The following SH3BGR variants were observed in gnomAD, a reference collection of about 807,000 sequenced individuals.
The protein encoded by SH3BGR is SH3 domain binding glutamate rich protein, also known as SH3 domain-binding glutamic acid-rich protein.
Under a neutral mutation model 24.5 loss-of-function variants are expected in SH3BGR, and 29 were observed. That is an observed-to-expected ratio of 1.18 (90% CI 0.88 to 1.61). The LOEUF (loss-of-function observed/expected upper bound fraction) is 1.61. Ranked by LOEUF, SH3BGR falls within the 40% of genes most tolerant of loss-of-function variation. SH3BGR has a pLI of 0.00. For synonymous variants in SH3BGR, 55 were observed against 65.7 expected, an observed-to-expected ratio of 0.84 and a Z score of 0.79; for missense variants, 162 against 205.8, an observed-to-expected ratio of 0.79 and a Z score of 1.30.
intron 6 of SH3BGR, among the ~76,000 whole-genome samples, chr21:39,512,846 G>A (rs1163686323): frequency 6.6e-6 from 1 of 152,086 alleles, no homozygotes; most frequent in East Asian, 1.9e-4. Context: ...GACATTAAGT[G>A]CTATAAAAAT....
At chr21:39,479,654 G>T (rs938131868) in intron 3 of SH3BGR, among the ~76,000 whole-genome samples, 3 of 152,084 alleles carry the variant, frequency 2.0e-5, no homozygotes, top group Non-Finnish European at 2.9e-5. Flanking sequence ...TGCCCAGGAG[G>T]TCATATTTCC....
chr21:39,462,280 T>G, intron 1 of SH3BGR, 95 bp from the exon 2 acceptor site: 1 of 825,032 alleles, frequency 1.2e-6, no homozygotes, highest in South Asian at 1.7e-5. Context: ...AAATTATTTG[T>G]GTTGTATAGT....
chr21:39,453,464 A>G (rs923457178), intron 1 of SH3BGR, among the ~76,000 whole-genome samples: 1 of 152,134 alleles, frequency 6.6e-6, no homozygotes, highest in Non-Finnish European at 1.5e-5. Context: ...GTTGATGCTC[A>G]TTGCTAAAAA....
chr21:39,464,913 A>G (rs565452411), intron 2 of SH3BGR, among the ~76,000 whole-genome samples: 1 of 152,296 alleles, frequency 6.6e-6, no homozygotes, highest in African/African-American at 2.4e-5. Flanking sequence ...AAATTAATAT[A>G]TATGCCCACT....
chr21:39,469,360 T>C (rs2077898698), intron 2 of SH3BGR, among the ~76,000 whole-genome samples: 1 of 151,874 alleles, frequency 6.6e-6, no homozygotes, highest in Non-Finnish European at 1.5e-5. Flanking sequence ...TTCGTTTGTT[T>C]GTTTTTGGTC....
chr21:39,478,541 T>C (rs919015152), intron 3 of SH3BGR, among the ~76,000 whole-genome samples: 9 of 152,240 alleles, frequency 5.9e-5, no homozygotes, highest in African/African-American at 2.2e-4. Flanking sequence ...GCTGGGACCC[T>C]TTAATTTGGA....
At position 39,511,252 on chromosome 21, in the gene SH3BGR, GTATGTGTATGTGT is replaced by G. The variant is rs1051508394; in HGVS notation, c.436-427_436-415del. ...GTGTATGTTATGGTGTGGAGGGTAT[GTATGTGTATGTGT>G]GATGTGTATGTGTATATTGTGTGTG... On this transcript the variant is annotated intron_variant, in intron 5 of 6. Coordinates refer to ENST00000333634, the MANE Select transcript of SH3BGR (RefSeq NM_007341.3). This position sits in a 1 kb window ranked among gnomAD's most constrained non-coding sequence, Gnocchi z 4.2. Among the ~76,000 whole-genome samples the G allele has an allele frequency of 1.4e-3, 217 of 149,758 alleles. No individual in the cohort carries two copies. The highest frequency in any genetic ancestry group is 2.7e-3 in the Non-Finnish European group (182 of 67,432).
At chr21:39,472,368 A>C (rs951093687) in intron 2 of SH3BGR, among the ~76,000 whole-genome samples, 3 of 152,150 alleles carry the variant, frequency 2.0e-5, no homozygotes, top group Non-Finnish European at 2.9e-5. Flanking sequence ...GTCATCAATC[A>C]GTTCATGAGG....
chr21:39,514,009 G>C (rs1237029464), intron 6 of SH3BGR, among the ~76,000 whole-genome samples: 1 of 152,148 alleles, frequency 6.6e-6, no homozygotes, highest in African/African-American at 2.4e-5. Context: ...TACAGTTGTG[G>C]CTAGCACATT....
At chr21:39,500,889 AG>A (rs1453412889) in intron 4 of SH3BGR, among the ~76,000 whole-genome samples, 1 of 152,094 alleles carries the variant, frequency 6.6e-6, no homozygotes, top group East Asian at 1.9e-4. Flanking sequence ...TTAAATTGGG[AG>A]GGGCTAGGGA....
chr21:39,451,215 C>G (rs980926503), upstream of SH3BGR, among the ~76,000 whole-genome samples: 50 of 152,266 alleles, frequency 3.3e-4, no homozygotes, highest in African/African-American at 1.0e-3. Flanking sequence ...CCTATGTAAA[C>G]AAAGAGCCTG....
rs149559598 is a variant in SH3BGR at position 39,487,591 on chromosome 21, A to G, written c.313-12232A>G. 3.5e-3 allele frequency among the ~76,000 whole-genome samples: 530 copies of G among 152,328 alleles called. 4 individuals carry two copies. The highest frequency in any genetic ancestry group is 0.012 in the African/African-American group (497 of 41,570). Reference sequence around the variant, plus strand: ...CTAACATTCCAACAGCCAGACAAACATTGCTCAAAAGAGGTTTCAAATCCC... The same window carrying G: ...CTAACATTCCAACAGCCAGACAAACGTTGCTCAAAAGAGGTTTCAAATCCC... On this transcript the variant is annotated intron_variant, in intron 3 of 6. Coordinates refer to ENST00000333634, the MANE Select transcript of SH3BGR (RefSeq NM_007341.3).
At chr21:39,480,152 T>G (rs2078108216) in intron 3 of SH3BGR, among the ~76,000 whole-genome samples, 1 of 152,208 alleles carries the variant, frequency 6.6e-6, no homozygotes, top group South Asian at 2.1e-4. Context: ...GATTAAGGAT[T>G]TTAATATCTT....
chr21:39,454,517 C>T (rs547224302), intron 1 of SH3BGR, among the ~76,000 whole-genome samples: 10 of 152,230 alleles, frequency 6.6e-5, no homozygotes, highest in African/African-American at 9.6e-5. Context: ...GGAGAGGGCG[C>T]GTGACTTCTT....
At chr21:39,461,540 A>G (rs944585860) in intron 1 of SH3BGR, among the ~76,000 whole-genome samples, 2 of 152,182 alleles carry the variant, frequency 1.3e-5, no homozygotes, top group East Asian at 1.9e-4. Context: ...GGTTATATTT[A>G]TCGCCAGAGA....
chr21:39,500,627 A>G (rs1425920715), intron 4 of SH3BGR, among the ~76,000 whole-genome samples: 3 of 152,088 alleles, frequency 2.0e-5, no homozygotes, highest in Non-Finnish European at 2.9e-5. Context: ...AATGGGGTGC[A>G]GGCATTGTTC....
chr21:39,452,086 C>T lies in SH3BGR; in HGVS notation c.-11C>T, dbSNP rs200019355. 4 of 1,614,108 alleles carry T rather than the reference C, an allele frequency of 2.5e-6. No individual in the cohort carries two copies. The highest frequency in any genetic ancestry group is 3.4e-6 in the Non-Finnish European group (4 of 1,179,988). On this transcript the variant is annotated 5_prime_UTR_variant, in exon 1 of 7. Transcript: ENST00000333634. ...GGTGTGTTGGGGGGAGTCCTCTTTC[C>T]AACTGTCGAAATGGTTATCAAAGTG...
Position 39,479,247 on chromosome 21 carries a change from G to C in SH3BGR, c.312+4032G>C, listed in dbSNP as rs968996334. On this transcript the variant is annotated intron_variant, in intron 3 of 6. Coordinates refer to ENST00000333634, the MANE Select transcript of SH3BGR (RefSeq NM_007341.3). ...AAGGGTGGTGGTGGTGGTGGTGGTG[G>C]TGGTGGTGGTGATGGTAGTGCTGGT... Among the ~76,000 whole-genome samples the C allele has an allele frequency of 4.7e-3, 697 of 149,702 alleles. 5 individuals are homozygous for C. The highest frequency in any genetic ancestry group is 0.016 in the African/African-American group (664 of 40,774).
intron 4 of SH3BGR, among the ~76,000 whole-genome samples, chr21:39,500,779 C>T (rs73354299): frequency 0.013 from 2,034 of 152,202 alleles, 50 homozygotes; most frequent in African/African-American, 0.047. Context: ...GATCCTCATT[C>T]ACCAGATAGA....
Sources: allele counts gnomAD v4.1 joint callset (sites outside exome capture counted in the v4.1 genomes callset), GRCh38; gene constraint gnomAD v4.1.1; non-coding constraint Gnocchi (gnomAD v3.1); transcripts MANE v1.5; gene names NCBI Gene and HGNC (gene_info 2026-07-23, HGNC 2026-07-21).